The following DOCK1 variants were observed in gnomAD, a reference collection of about 807,000 sequenced individuals.
DOCK1 encodes dedicator of cytokinesis 1, also known as dedicator of cytokinesis protein 1.
In DOCK1, 138 loss-of-function variants were observed where a neutral mutation model predicts 262.7. The ratio of observed to expected loss-of-function variants is 0.53; its 90% CI spans 0.46 to 0.61. The LOEUF (loss-of-function observed/expected upper bound fraction) is 0.61, where lower values mean the gene tolerates loss of function less well. DOCK1 is among the 20% of genes least tolerant of loss of function. The pLI, the probability that DOCK1 is intolerant of heterozygous loss-of-function variation, is 0.00. For synonymous variants in DOCK1, 866 were observed against 867.4 expected (o/e 1.00, Z 0.03); for missense variants, 1,908 against 2,370.7 (o/e 0.80, Z 4.05).
intron 4 of DOCK1, among the ~76,000 whole-genome samples, chr10:126,982,908 A>G (rs2039084266): frequency 6.6e-6 from 1 of 152,250 alleles, no homozygotes; most frequent in South Asian, 2.1e-4. Context: ...TTATATCTGC[A>G]TTAGAATCCT....
At chr10:127,160,006 T>C (rs2053450755) in intron 27 of DOCK1, among the ~76,000 whole-genome samples, 1 of 152,112 alleles carries the variant, frequency 6.6e-6, no homozygotes, top group Non-Finnish European at 1.5e-5. Context: ...ACTGCAAGCT[T>C]TCTTCCCGGC....
chr10:127,026,399 C>A lies in DOCK1; in HGVS notation c.1599C>A (p.Thr533=). ...EDVNRSHLRF[T]FRHRSSQDSK... Reference sequence around the variant, plus strand: ...TTAACCGCAGTCACCTTCGGTTTACCTTCCGCCACAGGTCATCACAGGACT... The same window carrying A: ...TTAACCGCAGTCACCTTCGGTTTACATTCCGCCACAGGTCATCACAGGACT... Residue 533 remains threonine (T), a synonymous_variant, in exon 16 of 52, where the codon ACC becomes ACA. Coordinates refer to ENST00000623213, the MANE Select transcript of DOCK1 (RefSeq NM_001290223.2). The A allele has an allele frequency of 6.3e-7, 1 of 1,579,576 alleles. No homozygotes were observed. Among genetic ancestry groups the A allele is most frequent in the Admixed American group, 1.8e-5 (1 of 55,316 alleles).
At chr10:127,160,425 G>A (rs1215513633) in intron 27 of DOCK1, among the ~76,000 whole-genome samples, 2 of 152,220 alleles carry the variant, frequency 1.3e-5, no homozygotes, top group African/African-American at 4.8e-5. Context: ...TCTGGTTGCA[G>A]AGTTCAGCAG....
intron 28 of DOCK1, among the ~76,000 whole-genome samples, chr10:127,254,038 T>G (rs1447029173): frequency 6.6e-6 from 1 of 152,132 alleles, no homozygotes; most frequent in East Asian, 1.9e-4. Context: ...CCCTAAGCTG[T>G]TCAGCAAACG....
chr10:126,936,945 T>TC (rs1374187804), intron 1 of DOCK1, among the ~76,000 whole-genome samples: 1 of 152,080 alleles, frequency 6.6e-6, no homozygotes, highest in African/African-American at 2.4e-5. Context: ...ACACTAACCC[T>TC]CCCTTCCCCC....
At chr10:127,246,467 G>C (rs1372226405) in intron 27 of DOCK1, among the ~76,000 whole-genome samples, 3 of 152,120 alleles carry the variant, frequency 2.0e-5, no homozygotes, top group African/African-American at 7.2e-5. Flanking sequence ...TGAGCTGAAT[G>C]GTATGCCAAA....
At chr10:127,327,817 G>C (rs2062808668) in intron 29 of DOCK1, among the ~76,000 whole-genome samples, 1 of 152,134 alleles carries the variant, frequency 6.6e-6, no homozygotes, top group Non-Finnish European at 1.5e-5. Flanking sequence ...TGAGTTCAGA[G>C]CTGTTATTAA....
In DOCK1 at chr10:127,033,264, C is replaced by A. The variant is rs993463408; in HGVS notation, c.1912+944C>A. ...TGGGATAAGGCACCCCCTGCTGACT[C>A]CCACACCCCAAAGCTCAGCCCTAAT... On this transcript the variant is annotated intron_variant, in intron 18 of 51. Transcript: ENST00000623213. 2.6e-5 allele frequency among the ~76,000 whole-genome samples: 4 copies of A among 152,168 alleles called. No individual in the cohort carries two copies. In the East Asian group the frequency reaches 5.8e-4, roughly 22 times the overall value.
chr10:127,129,683 G>T, intron 27 of DOCK1, among the ~76,000 whole-genome samples: 1 of 152,338 alleles, frequency 6.6e-6, no homozygotes, highest in East Asian at 1.9e-4. Context: ...AGTCTCAGGA[G>T]TGGAACTGGA....
chr10:126,968,652 C>T (rs77676674), intron 1 of DOCK1, among the ~76,000 whole-genome samples: 4,126 of 152,204 alleles, frequency 0.027, 127 homozygotes, highest in East Asian at 0.13. Flanking sequence ...TGATTTTTGA[C>T]GTGTTTATTT....
At chr10:127,022,006 A>C (rs2042463404) in intron 13 of DOCK1, among the ~76,000 whole-genome samples, 1 of 152,188 alleles carries the variant, frequency 6.6e-6, no homozygotes, top group Non-Finnish European at 1.5e-5. Context: ...GCAGAGGAGC[A>C]GTGGCTGGGA....
intron 10 of DOCK1, among the ~76,000 whole-genome samples, chr10:127,003,298 GC>G (rs1397820942): frequency 4.7e-5 from 7 of 150,278 alleles, no homozygotes; most frequent in African/African-American, 1.7e-4. Context: ...GTGTGAACCT[GC>G]GTGAACCTGT....
At chr10:126,918,995 G>A (rs974852260) in intron 1 of DOCK1, among the ~76,000 whole-genome samples, 1 of 106,774 alleles carries the variant, frequency 9.4e-6, no homozygotes, top group Non-Finnish European at 2.1e-5. Context: ...GGGAGTGTGG[G>A]GGCCCTTCGG....
rs912237201 is a variant in DOCK1 at position 126,927,023 on chromosome 10, G to A, written c.46+21460G>A. On this transcript the variant is annotated intron_variant, in intron 1 of 51. Coordinates refer to ENST00000623213, the MANE Select transcript of DOCK1 (RefSeq NM_001290223.2). ...AAAGTATTTCTGTTAGTGGGCAATT[G>A]AGAAGGAGAGACTTGTAGGCTTTTA... Among the ~76,000 whole-genome samples, 3 of 152,226 alleles carry A rather than the reference G, an allele frequency of 2.0e-5. No individual in the cohort carries two copies. In the South Asian group the frequency reaches 6.2e-4, roughly 32 times the overall value.
chr10:127,207,163 A>G (rs1446554450), intron 27 of DOCK1, among the ~76,000 whole-genome samples: 2 of 152,202 alleles, frequency 1.3e-5, no homozygotes, highest in East Asian at 3.9e-4. Flanking sequence ...AGCTAACTCA[A>G]TTTATGCCAA....
chr10:127,402,987 A>G, intron 38 of DOCK1, 68 bp from the exon 39 acceptor site: 2 of 1,369,688 alleles, frequency 1.5e-6, no homozygotes, highest in South Asian at 1.3e-5. Flanking sequence ...GAATGATTGC[A>G]TTCCTGTTTG....
Position 127,161,144 on chromosome 10 carries a change from T to C in DOCK1, c.2847+33380T>C, listed in dbSNP as rs575794085. Among the ~76,000 whole-genome samples the C allele has an allele frequency of 3.9e-5, 6 of 152,352 alleles. 1 individual carries two copies. Among genetic ancestry groups the C allele is most frequent in the African/African-American group, 1.4e-4 (6 of 41,580 alleles). Reference sequence around the variant, plus strand: ...AGTTTGCCAGATTATGCCCCGGACATGTACTTATTTTAGATGTCAGCTGTT... The same window carrying C: ...AGTTTGCCAGATTATGCCCCGGACACGTACTTATTTTAGATGTCAGCTGTT... On this transcript the variant is annotated intron_variant, in intron 27 of 51. Transcript: ENST00000623213.
At chr10:127,351,188 C>T (rs1323794707) in intron 31 of DOCK1, among the ~76,000 whole-genome samples, 1 of 152,178 alleles carries the variant, frequency 6.6e-6, no homozygotes, top group Non-Finnish European at 1.5e-5. Context: ...GATCCCAGAT[C>T]TCCCTGGACG....
intron 29 of DOCK1, among the ~76,000 whole-genome samples, chr10:127,327,090 A>G (rs2062776734): frequency 1.3e-5 from 2 of 152,228 alleles, no homozygotes; most frequent in African/African-American, 4.8e-5. Flanking sequence ...ATTTAGCATA[A>G]TTCTTAAGGG....
Sources: gnomAD v4.1 joint callset for allele counts (sites outside exome capture counted in the v4.1 genomes callset) on GRCh38, gnomAD v4.1.1 for gene constraint, MANE v1.5 for transcripts, NCBI Gene and HGNC (gene_info 2026-07-23, HGNC 2026-07-21) for gene names.